SIAE: variants seen among roughly 807,000 people sequenced by gnomAD.
SIAE encodes sialate O-acetylesterase.
Under a neutral mutation model 52.6 loss-of-function variants are expected in SIAE, and 39 were observed. The observed-to-expected ratio is 0.74, with a 90% CI of 0.57 to 0.97. SIAE has a LOEUF of 0.97. Among genes scored for constraint, SIAE ranks in the 50% least tolerant of loss-of-function variants. The pLI, the probability that SIAE is intolerant of heterozygous loss-of-function variation, is 0.00. For synonymous variants in SIAE, 233 were observed against 241.4 expected, an observed-to-expected ratio of 0.97 and a Z score of 0.32; for missense variants, 592 against 662.1, an observed-to-expected ratio of 0.89 and a Z score of 1.16.
rs1255545279 is a variant in SIAE, at chr11:124,633,715, A to C, written c.*3236T>G. 2.0e-5 allele frequency: 3 copies of C among 149,416 alleles called. No homozygotes were observed. The highest frequency in any genetic ancestry group is 7.7e-5 in the African/African-American group (3 of 38,722). The allele number at this position is 149,416 out of a possible 1,614,324, so 9.3% of individuals were successfully genotyped here. ...AAGAAACAAACTTTGTATAATAGCA[A>C]ATCGGGAAGGGGACTGCTTAAAATG... On this transcript the variant is annotated 3_prime_UTR_variant, in exon 10 of 10. Coordinates refer to ENST00000263593, the MANE Select transcript of SIAE (RefSeq NM_170601.5).
In SIAE at chr11:124,660,665, C is replaced by T. The variant is rs774220463; in HGVS notation, c.368G>A (p.Cys123Tyr). The change falls in exon 3 of 10, where the codon TGT (cysteine) becomes TAT (tyrosine). Residue 123 changes from cysteine to tyrosine, a missense_variant. Transcript: ENST00000263593. ...HDVLFGDVWL[C>Y]SGQSNMQMTV... Reference sequence around the variant, plus strand: ...CATCTGCATGTTACTCTGCCCACTACAGAGCCAGACATCTCCAAACAGGAC... The same window carrying T: ...CATCTGCATGTTACTCTGCCCACTATAGAGCCAGACATCTCCAAACAGGAC... The T allele has an allele frequency of 1.2e-6, 2 of 1,614,186 alleles. No individual in the cohort carries two copies. Among genetic ancestry groups the T allele is most frequent in the Non-Finnish European group, 1.7e-6 (2 of 1,180,036 alleles).
chr11:124,653,126 T>C (rs1382275610), intron 4 of SIAE, among the ~76,000 whole-genome samples: 1 of 152,182 alleles, frequency 6.6e-6, no homozygotes, highest in Non-Finnish European at 1.5e-5. Flanking sequence ...AGAGTTCGGA[T>C]AGTGTAAGAC....
chr11:124,633,645 T>G lies in SIAE; in HGVS notation c.*3306A>C, dbSNP rs970065965. ...GCTAAGTTAACTGGTATTTTATGAT[T>G]TTGAGTATAGTCTTTTTATAAGTTG... On this transcript the variant is annotated 3_prime_UTR_variant, in exon 10 of 10. Coordinates refer to ENST00000263593, the MANE Select transcript of SIAE (RefSeq NM_170601.5). 1 of 152,208 alleles carries G rather than the reference T, an allele frequency of 6.6e-6. No individual in the cohort carries two copies. Among genetic ancestry groups the G allele is most frequent in the Non-Finnish European group, 1.5e-5 (1 of 68,044 alleles). 9.4% of individuals were successfully genotyped at this position (152,208 alleles called of 1,614,324 possible). A position where few individuals can be genotyped will look rare whatever the true frequency, so the allele number is the denominator to read the frequency against.
At chr11:124,648,656 G>A (rs529459061) in intron 5 of SIAE, among the ~76,000 whole-genome samples, 1 of 152,278 alleles carries the variant, frequency 6.6e-6, no homozygotes, top group East Asian at 1.9e-4. Context: ...AAACTGCTGT[G>A]TCAAAGGGCA....
rs1418431678 is a variant in SIAE at position 124,655,387 on chromosome 11, G to A, written c.406-594C>T. The stretch of plus-strand genomic sequence containing the variant: ...AGACGGGGTTTCACCGTGTTAGCCC[G>A]GATGGTCTCAATCTCCAGACCTCGT... On this transcript the variant is annotated intron_variant, in intron 3 of 9. Coordinates refer to ENST00000263593, the MANE Select transcript of SIAE (RefSeq NM_170601.5). Among the ~76,000 whole-genome samples, 6 of 152,180 alleles carry A rather than the reference G, an allele frequency of 3.9e-5. No homozygotes were observed. In the South Asian group the frequency reaches 8.3e-4, roughly 21 times the overall value.
intron 7 of SIAE, among the ~76,000 whole-genome samples, chr11:124,644,843 T>C (rs967590552): frequency 6.6e-6 from 1 of 152,176 alleles, no homozygotes; most frequent in Non-Finnish European, 1.5e-5. Flanking sequence ...TCCGTGGAAC[T>C]CACATCCTCC....
intron 2 of SIAE, among the ~76,000 whole-genome samples, chr11:124,663,689 G>A (rs1943225685): frequency 6.6e-6 from 1 of 152,206 alleles, no homozygotes; most frequent in South Asian, 2.1e-4. Context: ...GATTAAAAAG[G>A]CAAAAGCCAC....
In SIAE at chr11:124,645,319, C is replaced by CT. The variant is rs903341369; in HGVS notation, c.966+2045dup. On this transcript the variant is annotated intron_variant, in intron 7 of 9. Transcript: ENST00000263593. The surrounding 1 kb of genome is among the most constrained non-coding windows in gnomAD (Gnocchi z 4.7). ...TCAGGTCTTTCTGATTGCTATATTTCTTTTTTTTTTTTGAGACGGAGTTTC... is the reference window on the plus strand; with the variant it reads ...TCAGGTCTTTCTGATTGCTATATTTCTTTTTTTTTTTTTGAGACGGAGTTTC... Among the ~76,000 whole-genome samples the CT allele has an allele frequency of 3.9e-3, 564 of 146,016 alleles. 3 individuals are homozygous for CT. Among genetic ancestry groups the CT allele is most frequent in the Middle Eastern group, 0.028 (8 of 286 alleles).
intron 7 of SIAE, among the ~76,000 whole-genome samples, chr11:124,641,420 G>A (rs1363677127): frequency 6.6e-6 from 1 of 152,200 alleles, no homozygotes; most frequent in African/African-American, 2.4e-5. Flanking sequence ...TGAAGGAAAG[G>A]CAAAGTTGGA....
chr11:124,671,232 A>C (rs187674490), intron 1 of SIAE, among the ~76,000 whole-genome samples: 1 of 152,356 alleles, frequency 6.6e-6, no homozygotes, highest in Non-Finnish European at 1.5e-5. Flanking sequence ...AAGAAGTATA[A>C]TCATATTACT....
At chr11:124,639,278 G>A (rs1473211960) in intron 8 of SIAE, among the ~76,000 whole-genome samples, 1 of 152,168 alleles carries the variant, frequency 6.6e-6, no homozygotes, top group Non-Finnish European at 1.5e-5. Flanking sequence ...CTCCTGTGAG[G>A]CCAGAGGAAT....
In SIAE at chr11:124,639,814, A is replaced by C. The variant is rs35451312; in HGVS notation, c.1020T>G (p.Arg340=). The change falls in exon 8 of 10, where the codon CGT becomes CGG. Residue 340 remains arginine, a synonymous_variant. Coordinates refer to ENST00000263593, the MANE Select transcript of SIAE (RefSeq NM_170601.5). ...AGCCGAAGTCTGCTGTTTGATGCCA[A>C]CGGATCTGGGGAAATCCATCGTCTG... ...KSSDDGFPQI[R]WHQTADFGYV... is the part of the protein sequence containing the mutation. 6.2e-7 allele frequency: 1 copy of C among 1,614,234 alleles called. No homozygotes were observed. The highest frequency in any genetic ancestry group is 1.7e-5 in the Admixed American group (1 of 60,030).
intron 2 of SIAE, among the ~76,000 whole-genome samples, chr11:124,668,445 G>A (rs938906744): frequency 2.0e-5 from 3 of 152,186 alleles, no homozygotes; most frequent in African/African-American, 7.2e-5. Flanking sequence ...TGTATCACCA[G>A]TACCTAGCAC....
intron 2 of SIAE, among the ~76,000 whole-genome samples, chr11:124,661,877 A>C (rs1442142239): frequency 1.3e-5 from 2 of 152,244 alleles, no homozygotes; most frequent in Admixed American, 6.5e-5. Flanking sequence ...TATGGGAAAT[A>C]ATAATTCTAA....
At chr11:124,668,075 C>G (rs1457854163) in intron 2 of SIAE, among the ~76,000 whole-genome samples, 2 of 152,166 alleles carry the variant, frequency 1.3e-5, no homozygotes, top group African/African-American at 4.8e-5. Flanking sequence ...ATAAAACATA[C>G]ACTCCTTAGC....
At chr11:124,644,353 GAAAAAAA>G (rs370589585) in intron 7 of SIAE, among the ~76,000 whole-genome samples, 12 of 102,170 alleles carry the variant, frequency 1.2e-4, no homozygotes, top group Admixed American at 2.3e-4. Context: ...TCTGTGGTGA[GAAAAAAA>G]AAAAAAAAAA....
At chr11:124,641,517 G>A (rs1009429803) in intron 7 of SIAE, among the ~76,000 whole-genome samples, 15 of 152,228 alleles carry the variant, frequency 9.9e-5, no homozygotes, top group Non-Finnish European at 1.9e-4. Context: ...GCACGACATC[G>A]TGAATGTGCT....
upstream of SIAE, chr11:124,673,779 G>A (rs1208480403): frequency 4.5e-6 from 7 of 1,553,786 alleles, no homozygotes; most frequent in Admixed American, 1.1e-4. Context: ...CCTGGGCGGG[G>A]GCGAGGCCGA....
chr11:124,669,490 A>G lies in SIAE; in HGVS notation c.99T>C (p.Asn33=). Reference sequence around the variant, plus strand: ...GCTCCTTCTGCAGCACCATATCATTATTGATGTATGAAGCAAAGCGAAAAC... The same window carrying G: ...GCTCCTTCTGCAGCACCATATCATTGTTGATGTATGAAGCAAAGCGAAAAC... ...GIGFRFASYI[N]NDMVLQKEPA... is the part of the protein sequence containing the mutation. The change falls in exon 2 of 10, where the codon AAT becomes AAC. Residue 33 remains asparagine (N), a synonymous_variant. Coordinates refer to ENST00000263593, the MANE Select transcript of SIAE (RefSeq NM_170601.5). 1 of 1,614,190 alleles carries G rather than the reference A, an allele frequency of 6.2e-7. No individual in the cohort carries two copies.
Sources: gnomAD v4.1 joint callset for allele counts (sites outside exome capture counted in the v4.1 genomes callset) on GRCh38, gnomAD v4.1.1 for gene constraint, Gnocchi (gnomAD v3.1) non-coding constraint, MANE v1.5 for transcripts, NCBI Gene and HGNC (gene_info 2026-07-23, HGNC 2026-07-21) for gene names.